Variants in SLC4A4 observed in about 807,000 individuals in gnomAD.
SLC4A4 encodes solute carrier family 4 member 4, also known as electrogenic sodium bicarbonate cotransporter 1.
A neutral mutation model predicts 111.5 loss-of-function variants in SLC4A4; 27 were observed. That is an observed-to-expected ratio of 0.24 (90% CI 0.18 to 0.33). SLC4A4 has a LOEUF of 0.33. SLC4A4 is among the 10% of genes least tolerant of loss of function. The pLI is 1.00. For missense variants in SLC4A4, 909 were observed against 1,315.5 expected (o/e 0.69, Z 4.78); for synonymous variants, 443 against 463.4 (o/e 0.96, Z 0.57).
intron 3 of SLC4A4, among the ~76,000 whole-genome samples, chr4:71,323,987 C>T (rs1257625246): frequency 6.6e-6 from 1 of 151,914 alleles, no homozygotes; most frequent in African/African-American, 2.4e-5. Flanking sequence ...GGTACCCCTT[C>T]CAGGTGTTTT....
intron 7 of SLC4A4, among the ~76,000 whole-genome samples, chr4:71,426,074 T>C (rs1455852622): frequency 6.6e-6 from 1 of 152,144 alleles, no homozygotes; most frequent in African/African-American, 2.4e-5. Flanking sequence ...CAGGGCCTTC[T>C]ATGTGCCATA....
intron 2 of SLC4A4, among the ~76,000 whole-genome samples, chr4:71,114,899 C>A (rs1292845210): frequency 1.7e-5 from 2 of 117,296 alleles, no homozygotes; most frequent in Non-Finnish European, 3.4e-5. Context: ...ATGTTTATTG[C>A]GGCATTATTC....
intron 16 of SLC4A4, among the ~76,000 whole-genome samples, chr4:71,510,657 A>C (rs1439390198): frequency 6.6e-6 from 1 of 152,214 alleles, no homozygotes; most frequent in East Asian, 1.9e-4. Context: ...ATCTTAAAAA[A>C]ATAATCCATT....
At chr4:71,322,510 A>G (rs1242347239) in intron 3 of SLC4A4, among the ~76,000 whole-genome samples, 1 of 152,006 alleles carries the variant, frequency 6.6e-6, no homozygotes, top group African/African-American at 2.4e-5. Context: ...TGTAGAGTTT[A>G]TTTTGGGAAT....
intron 8 of SLC4A4, among the ~76,000 whole-genome samples, chr4:71,443,966 G>A (rs1725001721): frequency 1.3e-5 from 2 of 152,124 alleles, no homozygotes. Flanking sequence ...GTTATGGTGG[G>A]TTTGTGGTCC....
At chr4:71,168,251 G>A (rs1744837951) in intron 2 of SLC4A4, among the ~76,000 whole-genome samples, 1 of 142,808 alleles carries the variant, frequency 7.0e-6, no homozygotes, top group Non-Finnish European at 1.5e-5. Context: ...GTGCAATCTC[G>A]GTTCACCGTA....
At chr4:71,147,136 CA>C (rs1017353631) in intron 2 of SLC4A4, among the ~76,000 whole-genome samples, 2 of 152,104 alleles carry the variant, frequency 1.3e-5, no homozygotes, top group African/African-American at 4.8e-5. Flanking sequence ...TCAAAAGAGA[CA>C]AAGAAGGCCA....
At chr4:71,490,706 G>GTATTTT (rs1156754701) in intron 15 of SLC4A4, among the ~76,000 whole-genome samples, 2 of 151,800 alleles carry the variant, frequency 1.3e-5, no homozygotes, top group East Asian at 3.9e-4. Context: ...CCAACCCCCA[G>GTATTTT]TCTTTCGTGT....
chr4:71,339,743 T>C (rs1422623012), intron 4 of SLC4A4, among the ~76,000 whole-genome samples: 1 of 152,218 alleles, frequency 6.6e-6, no homozygotes, highest in Non-Finnish European at 1.5e-5. Flanking sequence ...TGCTATAATT[T>C]TGGCTTTTAT....
chr4:71,366,439 G>A (rs1731333059), intron 6 of SLC4A4, among the ~76,000 whole-genome samples: 1 of 151,016 alleles, frequency 6.6e-6, no homozygotes, highest in African/African-American at 2.4e-5. Context: ...ATTCTCAAGG[G>A]GAATGTGGGT....
At chr4:71,430,368 C>G (rs781440168) in intron 7 of SLC4A4, among the ~76,000 whole-genome samples, 10 of 151,972 alleles carry the variant, frequency 6.6e-5, no homozygotes, top group Non-Finnish European at 1.0e-4. Flanking sequence ...GCAGAATTTT[C>G]TAATCTGATT....
chr4:71,453,316 A>T (rs986133554), intron 11 of SLC4A4, among the ~76,000 whole-genome samples, 179 bp from the exon 12 acceptor site: 4 of 152,196 alleles, frequency 2.6e-5, no homozygotes, highest in African/African-American at 9.7e-5. Context: ...AAAAAGAAAG[A>T]GATAGAAGAA....
chr4:71,179,105 A>G lies in SLC4A4; in HGVS notation c.-1-57471A>G, dbSNP rs181014266. Among the ~76,000 whole-genome samples the G allele has an allele frequency of 2.1e-3, 320 of 152,308 alleles. 1 individual carries two copies. The highest frequency in any genetic ancestry group is 7.2e-3 in the African/African-American group (300 of 41,566). On this transcript the variant is annotated intron_variant, in intron 2 of 26. Transcript: ENST00000649996. Reference sequence around the variant, plus strand: ...ATAAACAGAACCAATGACAAAAACCATATGATTATCTCAACAGATGCAGAA... The same window carrying G: ...ATAAACAGAACCAATGACAAAAACCGTATGATTATCTCAACAGATGCAGAA...
chr4:71,370,798 T>C (rs138246018), intron 6 of SLC4A4, among the ~76,000 whole-genome samples: 9 of 152,334 alleles, frequency 5.9e-5, no homozygotes, highest in African/African-American at 2.2e-4. Context: ...CATTGAAGTA[T>C]TTTTGTCGAT....
intron 2 of SLC4A4, among the ~76,000 whole-genome samples, chr4:71,254,775 T>C (rs1721320568): frequency 6.6e-6 from 1 of 152,048 alleles, no homozygotes; most frequent in African/African-American, 2.4e-5. Flanking sequence ...CCCTACCCAG[T>C]ATAATCATAG....
intron 2 of SLC4A4, among the ~76,000 whole-genome samples, chr4:71,108,502 T>C (rs11734575): frequency 1.3e-5 from 2 of 152,122 alleles, no homozygotes; most frequent in Non-Finnish European, 2.9e-5. Flanking sequence ...ATGAGAAATA[T>C]GCTGATAATT....
At chr4:71,455,285 A>G (rs1366475870) in intron 12 of SLC4A4, among the ~76,000 whole-genome samples, 1 of 152,200 alleles carries the variant, frequency 6.6e-6, no homozygotes, top group Non-Finnish European at 1.5e-5. Flanking sequence ...AGCATGGGTT[A>G]TGAGAACCAA....
At chr4:71,166,146 A>G (rs892656264) in intron 2 of SLC4A4, among the ~76,000 whole-genome samples, 6 of 152,232 alleles carry the variant, frequency 3.9e-5, no homozygotes, top group African/African-American at 1.4e-4. Flanking sequence ...GTCAGGAGGC[A>G]GTGGCTAAAA....
At chr4:71,134,070 A>G (rs1312100728) in intron 2 of SLC4A4, among the ~76,000 whole-genome samples, 1 of 152,164 alleles carries the variant, frequency 6.6e-6, no homozygotes, top group Non-Finnish European at 1.5e-5. Flanking sequence ...ATATACATGA[A>G]TCATCTTACC....
Sources: allele counts gnomAD v4.1 joint callset (sites outside exome capture counted in the v4.1 genomes callset), GRCh38; gene constraint gnomAD v4.1.1; transcripts MANE v1.5; gene names NCBI Gene and HGNC (gene_info 2026-07-23, HGNC 2026-07-21).